RAD51B: variants seen among roughly 807,000 people sequenced by gnomAD.
RAD51B encodes DNA repair protein RAD51 homolog 2.
RAD51B carries 38 observed loss-of-function variants against 42.2 expected under a neutral mutation model. That is an observed-to-expected ratio of 0.90 (90% CI 0.70 to 1.18). The LOEUF (loss-of-function observed/expected upper bound fraction) is 1.18, where lower values mean the gene tolerates loss of function less well. RAD51B is among the 50% of genes most tolerant of loss of function. The pLI, the probability that RAD51B is intolerant of heterozygous loss-of-function variation, is 0.00. For missense variants in RAD51B, 373 were observed against 400.7 expected, an observed-to-expected ratio of 0.93 and a Z score of 0.59; for synonymous variants, 154 against 145.2, an observed-to-expected ratio of 1.06 and a Z score of -0.43.
chr14:67,831,839 C>T (rs2041061946), intron 3 of RAD51B, among the ~76,000 whole-genome samples: 2 of 152,136 alleles, frequency 1.3e-5, no homozygotes, highest in East Asian at 3.9e-4. Context: ...CCACCACACC[C>T]AGCTGATTAT....
intron 7 of RAD51B, among the ~76,000 whole-genome samples, chr14:68,067,932 A>AC (rs2076681572): frequency 1.2e-5 from 1 of 85,180 alleles, no homozygotes; most frequent in African/African-American, 7.4e-5. Flanking sequence ...ACTCCATCTC[A>AC]AAAAAAAAAA....
intron 7 of RAD51B, among the ~76,000 whole-genome samples, chr14:68,050,562 A>T (rs1308783513): frequency 6.6e-6 from 1 of 152,196 alleles, no homozygotes; most frequent in African/African-American, 2.4e-5. Flanking sequence ...CACCATCAAA[A>T]TTTTGATAAC....
chr14:68,138,196 T>A (rs1396031231), intron 7 of RAD51B, among the ~76,000 whole-genome samples: 1 of 152,146 alleles, frequency 6.6e-6, no homozygotes, highest in African/African-American at 2.4e-5. Context: ...CCACTCCTAA[T>A]GATGTTGTTA....
At chr14:67,911,159 T>C (rs576918971) in intron 7 of RAD51B, among the ~76,000 whole-genome samples, 1 of 152,150 alleles carries the variant, frequency 6.6e-6, no homozygotes, top group South Asian at 2.1e-4. Flanking sequence ...GATGGAAAAC[T>C]GTTAGCCCTT....
At chr14:67,869,524 C>G (rs950782380) in intron 5 of RAD51B, among the ~76,000 whole-genome samples, 3 of 151,992 alleles carry the variant, frequency 2.0e-5, no homozygotes, top group African/African-American at 4.8e-5. Context: ...AGGATATTAT[C>G]CAGGAGAACT....
At chr14:68,098,377 A>G (rs2077230126) in intron 7 of RAD51B, among the ~76,000 whole-genome samples, 1 of 152,270 alleles carries the variant, frequency 6.6e-6, no homozygotes, top group Non-Finnish European at 1.5e-5. Context: ...AAAGTAAGCA[A>G]TTAGACATAC....
chr14:67,980,231 G>A (rs1395426371), intron 7 of RAD51B, among the ~76,000 whole-genome samples: 2 of 152,130 alleles, frequency 1.3e-5, no homozygotes, highest in African/African-American at 4.8e-5. Flanking sequence ...GATCACCTGA[G>A]ATCAGAAGTT....
chr14:67,891,295 T>TA (rs1158854229), intron 7 of RAD51B, among the ~76,000 whole-genome samples: 2 of 152,174 alleles, frequency 1.3e-5, no homozygotes, highest in Non-Finnish European at 2.9e-5. Context: ...AAGTTGTTGT[T>TA]AAAATCCAAA....
intron 7 of RAD51B, among the ~76,000 whole-genome samples, chr14:68,118,927 C>T (rs1199258906): frequency 1.3e-5 from 2 of 152,040 alleles, no homozygotes; most frequent in Non-Finnish European, 2.9e-5. Flanking sequence ...TGCTTGTGAA[C>T]ACTTCAAATG....
chr14:68,648,149 A>T (rs1892620913), intron 10 of RAD51B, among the ~76,000 whole-genome samples: 1 of 85,990 alleles, frequency 1.2e-5, no homozygotes. Context: ...ATATATATAC[A>T]CACACGTATA....
chr14:68,520,024 C>T (rs1046830411), intron 10 of RAD51B, among the ~76,000 whole-genome samples: 3 of 152,180 alleles, frequency 2.0e-5, no homozygotes, highest in South Asian at 2.1e-4. Context: ...GTGGTTTAGA[C>T]GGGGACAAGT....
At chr14:67,940,047 TATATATA>T (rs1302085928) in intron 7 of RAD51B, among the ~76,000 whole-genome samples, 40 of 15,764 alleles carry the variant, frequency 2.5e-3, no homozygotes, top group Non-Finnish European at 3.5e-3. Flanking sequence ...TATATATATA[TATATATA>T]TTTTTTTTTT....
intron 10 of RAD51B, among the ~76,000 whole-genome samples, chr14:68,520,746 C>G (rs1886519356): frequency 6.6e-6 from 1 of 152,106 alleles, no homozygotes; most frequent in Non-Finnish European, 1.5e-5. Context: ...TGGGGAAGAA[C>G]AGGAGACAAA....
At chr14:67,917,835 G>A (rs533939381) in intron 7 of RAD51B, among the ~76,000 whole-genome samples, 1 of 152,184 alleles carries the variant, frequency 6.6e-6, no homozygotes, top group African/African-American at 2.4e-5. Context: ...TATATATATT[G>A]AGTTTGAGAT....
At chr14:68,047,839 G>A (rs1242853952) in intron 7 of RAD51B, among the ~76,000 whole-genome samples, 3 of 152,120 alleles carry the variant, frequency 2.0e-5, no homozygotes, top group Non-Finnish European at 4.4e-5. Flanking sequence ...GTTTTTCATG[G>A]ATGCTTCTTT....
chr14:68,156,455 T>TCTCTCTCTC (rs2078508050), intron 7 of RAD51B, among the ~76,000 whole-genome samples: 37 of 114,266 alleles, frequency 3.2e-4, no homozygotes, highest in Non-Finnish European at 6.0e-4. Context: ...CTTAGAAAAT[T>TCTCTCTCTC]TCTCTCTCTC....
chr14:68,001,370 G>A (rs1465559653), intron 7 of RAD51B, among the ~76,000 whole-genome samples: 1 of 151,864 alleles, frequency 6.6e-6, no homozygotes, highest in Non-Finnish European at 1.5e-5. Context: ...ATTTTAGAAA[G>A]TTTATTTTTC....
intron 7 of RAD51B, among the ~76,000 whole-genome samples, chr14:67,991,616 C>T (rs1041754924): frequency 2.6e-5 from 4 of 152,074 alleles, no homozygotes; most frequent in African/African-American, 9.7e-5. Context: ...TCTGGGATAC[C>T]ATAGGAATCT....
intron 7 of RAD51B, among the ~76,000 whole-genome samples, chr14:68,091,879 G>A (rs1220785214): frequency 6.6e-6 from 1 of 152,124 alleles, no homozygotes; most frequent in African/African-American, 2.4e-5. Context: ...TTTTGTATAA[G>A]GTGTAAGGAA....
Sources: allele counts gnomAD v4.1 joint callset (sites outside exome capture counted in the v4.1 genomes callset), GRCh38; gene constraint gnomAD v4.1.1; transcripts MANE v1.5; gene names NCBI Gene and HGNC (gene_info 2026-07-23, HGNC 2026-07-21).